CSMD3: variants seen among roughly 807,000 people sequenced by gnomAD.
CSMD3 encodes CUB and Sushi multiple domains 3, also known as CUB and sushi domain-containing protein 3.
CSMD3 carries 177 observed loss-of-function variants against 435.2 expected under a neutral mutation model. The ratio of observed to expected loss-of-function variants is 0.41; its 90% CI spans 0.36 to 0.46. CSMD3 has a LOEUF of 0.46. CSMD3 is among the 20% of genes least tolerant of loss of function. CSMD3 has a pLI of 0.34. For missense variants in CSMD3, 4,265 were observed against 4,504.6 expected, an observed-to-expected ratio of 0.95 and a Z score of 1.52; for synonymous variants, 1,656 against 1,520.5, an observed-to-expected ratio of 1.09 and a Z score of -2.07.
intron 4 of CSMD3, among the ~76,000 whole-genome samples, chr8:113,101,631 C>A (rs971644065): frequency 1.3e-5 from 2 of 151,956 alleles, no homozygotes; most frequent in African/African-American, 4.8e-5. Context: ...TCAAGGAAAT[C>A]TTGATTTTAC....
At chr8:112,625,526 C>G (rs1219502531) in intron 22 of CSMD3, among the ~76,000 whole-genome samples, 1 of 152,036 alleles carries the variant, frequency 6.6e-6, no homozygotes, top group Non-Finnish European at 1.5e-5. Context: ...AACAAAACAT[C>G]AACTAGTTCA....
At chr8:113,005,066 C>A (rs2131091826) in intron 6 of CSMD3, among the ~76,000 whole-genome samples, 1 of 151,580 alleles carries the variant, frequency 6.6e-6, no homozygotes, top group African/African-American at 2.4e-5. Context: ...TATATACACA[C>A]ATATATATAG....
intron 12 of CSMD3, among the ~76,000 whole-genome samples, chr8:112,814,548 C>G (rs147627679): frequency 6.6e-6 from 1 of 152,002 alleles, no homozygotes; most frequent in South Asian, 2.1e-4. Context: ...TTTGGGAGAC[C>G]GAGGTGAGTG....
chr8:113,031,268 T>A (rs757667421), intron 5 of CSMD3, among the ~76,000 whole-genome samples: 2 of 151,618 alleles, frequency 1.3e-5, no homozygotes, highest in Non-Finnish European at 2.9e-5. Flanking sequence ...AGGTGAATGA[T>A]TCAACAAACT....
At position 113,054,191 on chromosome 8, in the gene CSMD3, C is replaced by T. The variant is rs2088219008; in HGVS notation, c.918-35012G>A. Among the ~76,000 whole-genome samples the T allele has an allele frequency of 2.6e-5, 4 of 152,110 alleles. No homozygotes were observed. The South Asian group carries it at 8.3e-4, about 31-fold the overall frequency. On this transcript the variant is annotated intron_variant, in intron 5 of 70. Coordinates refer to ENST00000297405, the MANE Select transcript of CSMD3 (RefSeq NM_198123.2). Reference sequence around the variant, plus strand: ...AATTACTTTCTCAAAATTATTATTTCTCTTTTCCCATTTTCCTTCTATTCA... The same window carrying T: ...AATTACTTTCTCAAAATTATTATTTTTCTTTTCCCATTTTCCTTCTATTCA...
chr8:113,100,595 C>T (rs1434062316), intron 4 of CSMD3, among the ~76,000 whole-genome samples: 1 of 151,996 alleles, frequency 6.6e-6, no homozygotes, highest in Non-Finnish European at 1.5e-5. Flanking sequence ...GGATCACACT[C>T]AGATTAAAGA....
chr8:113,219,483 T>A (rs1318770226), intron 3 of CSMD3, among the ~76,000 whole-genome samples: 2 of 150,898 alleles, frequency 1.3e-5, no homozygotes, highest in Admixed American at 6.6e-5. Flanking sequence ...AACAAAAAAA[T>A]GTTCAGAAAT....
At chr8:113,125,840 G>A (rs1232632965) in intron 4 of CSMD3, among the ~76,000 whole-genome samples, 1 of 151,828 alleles carries the variant, frequency 6.6e-6, no homozygotes, top group Non-Finnish European at 1.5e-5. Context: ...AGGAGTTATG[G>A]AACAAAGAAA....
intron 11 of CSMD3, among the ~76,000 whole-genome samples, chr8:112,841,082 A>T (rs2080166337): frequency 6.6e-6 from 1 of 151,684 alleles, no homozygotes; most frequent in African/African-American, 2.4e-5. Flanking sequence ...AGAGTGGTGG[A>T]GGTGTTCAGT....
intron 3 of CSMD3, among the ~76,000 whole-genome samples, chr8:113,182,218 A>G (rs1260446409): frequency 6.6e-6 from 1 of 152,088 alleles, no homozygotes; most frequent in African/African-American, 2.4e-5. Context: ...AACAATTTTA[A>G]CTATTATATA....
At position 112,281,167 on chromosome 8, in the gene CSMD3, T is replaced by A; in HGVS notation, c.9508+7A>T. 1 of 1,594,396 alleles carries A rather than the reference T, an allele frequency of 6.3e-7. No homozygotes were observed. The highest frequency in any genetic ancestry group is 8.6e-7 in the Non-Finnish European group (1 of 1,162,272). On this transcript the variant is annotated splice_region_variant and intron_variant, in intron 59 of 70. Transcript: ENST00000297405. ...TACTGATTTTTAAATATTGAGAATA[T>A]ACTTACTTGTACAGTTAGGTAAAGT...
At position 112,385,758 on chromosome 8, in the gene CSMD3, C is replaced by A. The variant is rs116982791; in HGVS notation, c.5935-2095G>T. ...GAAAAATTTGAGAATAATTTATTTT[C>A]TTTTCTGTTATTGAGAGTAGTGGGG... On this transcript the variant is annotated intron_variant, in intron 36 of 70. Coordinates refer to ENST00000297405, the MANE Select transcript of CSMD3 (RefSeq NM_198123.2). Among the ~76,000 whole-genome samples, 349 of 152,144 alleles carry A rather than the reference C, an allele frequency of 2.3e-3. 6 individuals carry two copies. Among genetic ancestry groups the A allele is most frequent in the Non-Finnish European group, 3.0e-3 (206 of 67,980 alleles).
rs549090002 is a variant in CSMD3 at position 113,432,413 on chromosome 8, G to A, written c.178+4264C>T. On this transcript the variant is annotated intron_variant, in intron 1 of 70. Transcript: ENST00000297405. The stretch of plus-strand genomic sequence containing the variant: ...TCCTCCTTCATTATTATTCTGCAAT[G>A]CGCAGCAATCCCTGTGCGTGCCCCT... Among the ~76,000 whole-genome samples the A allele has an allele frequency of 9.2e-5, 14 of 152,330 alleles. No homozygotes were observed. In the East Asian group the frequency reaches 2.5e-3, roughly 27 times the overall value.
rs1054904254 is a variant in CSMD3 at position 112,596,387 on chromosome 8, A to G, written c.3716-9152T>C. 1.4e-3 allele frequency among the ~76,000 whole-genome samples: 218 copies of G among 152,000 alleles called. 3 individuals carry two copies. The highest frequency in any genetic ancestry group is 5.1e-3 in the African/African-American group (210 of 41,540). On this transcript the variant is annotated intron_variant, in intron 22 of 70. Transcript: ENST00000297405. ...AAAGCAAGTCCTGAGTGACCTACAA[A>G]GAGACTTAGACTCCCACACATTAAT...
At chr8:113,043,865 C>T (rs1003207317) in intron 5 of CSMD3, among the ~76,000 whole-genome samples, 4 of 151,890 alleles carry the variant, frequency 2.6e-5, no homozygotes, top group African/African-American at 9.7e-5. Context: ...TAAAATTAGA[C>T]AAATATGATT....
At chr8:112,472,819 A>C in intron 31 of CSMD3, 112 bp from the exon 32 acceptor site, 2 of 676,982 alleles carry the variant, frequency 3.0e-6, no homozygotes, top group Non-Finnish European at 5.3e-6. Context: ...AAGGTGTATA[A>C]TTTATTTGCA....
chr8:112,416,634 C>T (rs540015545), intron 32 of CSMD3, among the ~76,000 whole-genome samples: 19 of 152,066 alleles, frequency 1.2e-4, no homozygotes, highest in African/African-American at 1.9e-4. Flanking sequence ...TAACTTGAAA[C>T]GAGGATAATG....
chr8:112,877,286 AG>A (rs2081311841), intron 10 of CSMD3, among the ~76,000 whole-genome samples: 1 of 151,532 alleles, frequency 6.6e-6, no homozygotes, highest in Non-Finnish European at 1.5e-5. Flanking sequence ...TTTTAATTTG[AG>A]AAAGTTTCAC....
intron 5 of CSMD3, among the ~76,000 whole-genome samples, chr8:113,091,097 C>T (rs1195157335): frequency 6.6e-6 from 1 of 151,520 alleles, no homozygotes; most frequent in Non-Finnish European, 1.5e-5. Context: ...TTGGCTAGGA[C>T]TAAGTAATAG....
Sources: allele counts gnomAD v4.1 joint callset (sites outside exome capture counted in the v4.1 genomes callset), GRCh38; gene constraint gnomAD v4.1.1; transcripts MANE v1.5; gene names NCBI Gene and HGNC (gene_info 2026-07-23, HGNC 2026-07-21).